Variants in VKORC1L1 observed in about 807,000 individuals in gnomAD.
VKORC1L1 encodes the protein vitamin K epoxide reductase complex subunit 1-like protein 1.
A neutral mutation model predicts 18.9 loss-of-function variants in VKORC1L1; 2 were observed. The observed-to-expected ratio is 0.11, with a 90% CI of 0.04 to 0.33. VKORC1L1 has a LOEUF of 0.33. Ranked by LOEUF, VKORC1L1 falls within the 10% of genes least tolerant of loss-of-function variation. VKORC1L1 has a pLI of 1.00. For missense variants in VKORC1L1, 123 were observed against 224.1 expected (o/e 0.55, Z 2.88); for synonymous variants, 96 against 100.0 (o/e 0.96, Z 0.24).
At chr7:65,882,862 A>G (rs1272828080) in intron 1 of VKORC1L1, among the ~76,000 whole-genome samples, 1 of 152,220 alleles carries the variant, frequency 6.6e-6, no homozygotes, top group Non-Finnish European at 1.5e-5. Context: ...CTATTACATA[A>G]TTAATTTAGA....
intron 1 of VKORC1L1, among the ~76,000 whole-genome samples, chr7:65,894,643 G>C (rs1486003866): frequency 1.3e-5 from 2 of 152,210 alleles, no homozygotes; most frequent in Non-Finnish European, 2.9e-5. Flanking sequence ...CAGGAGAATG[G>C]TGTGAACCCG....
At chr7:65,895,516 T>TATATATATATATATACACAC (rs370356956) in intron 1 of VKORC1L1, among the ~76,000 whole-genome samples, 1 of 71,598 alleles carries the variant, frequency 1.4e-5, no homozygotes, top group East Asian at 5.5e-4. Flanking sequence ...TATATATATA[T>TATATATATATATATACACAC]ACACACACAC....
chr7:65,905,990 C>G (rs2116404639), intron 1 of VKORC1L1, among the ~76,000 whole-genome samples: 1 of 152,154 alleles, frequency 6.6e-6, no homozygotes, highest in African/African-American at 2.4e-5. Context: ...TCTTCCTGCC[C>G]CTTTTCTTCA....
intron 1 of VKORC1L1, among the ~76,000 whole-genome samples, chr7:65,905,007 CTGTATG>C (rs1417435539): frequency 2.0e-5 from 3 of 151,766 alleles, no homozygotes; most frequent in Non-Finnish European, 4.4e-5. Context: ...ATACACATGC[CTGTATG>C]TATATGTATA....
At chr7:65,911,280 A>T (rs1374601013) in intron 1 of VKORC1L1, among the ~76,000 whole-genome samples, 1 of 152,266 alleles carries the variant, frequency 6.6e-6, no homozygotes, top group East Asian at 1.9e-4. Flanking sequence ...AGTTTAACTC[A>T]TGTTAAATTA....
intron 1 of VKORC1L1, among the ~76,000 whole-genome samples, chr7:65,934,492 CCTGT>C (rs1789909084): frequency 6.6e-6 from 1 of 152,112 alleles, no homozygotes. Context: ...ACTTATTCCT[CCTGT>C]CTGAGATTTT....
intron 1 of VKORC1L1, among the ~76,000 whole-genome samples, chr7:65,926,911 A>G (rs1386092708): frequency 6.6e-6 from 1 of 152,182 alleles, no homozygotes; most frequent in Non-Finnish European, 1.5e-5. Flanking sequence ...ATGAGTACTC[A>G]AAGGCAAACA....
At chr7:65,931,221 G>T (rs1789852450) in intron 1 of VKORC1L1, among the ~76,000 whole-genome samples, 1 of 150,932 alleles carries the variant, frequency 6.6e-6, no homozygotes. Flanking sequence ...GCTTTTATAT[G>T]GTTTTGATGT....
Position 65,873,200 on chromosome 7 carries a change from G to C in VKORC1L1, c.-172G>C, listed in dbSNP as rs1788754484. 1 of 842,472 alleles carries C rather than the reference G, an allele frequency of 1.2e-6. No homozygotes were observed. The highest frequency in any genetic ancestry group is 5.2e-5 in the South Asian group (1 of 19,382). 52.2% of individuals were successfully genotyped at this position (842,472 alleles called of 1,614,324 possible). A position where few individuals can be genotyped will look rare whatever the true frequency, so the allele number is the denominator to read the frequency against. On this transcript the variant is annotated 5_prime_UTR_variant, in exon 1 of 3. Transcript: ENST00000360768. ...GGGGCGGTTGGGCCGCGCGCCTGTG[G>C]GGGCGGGGCCCGGAGCAGGCCACCG...
chr7:65,872,845 A>G (rs1402837016), upstream of VKORC1L1, among the ~76,000 whole-genome samples: 1 of 152,036 alleles, frequency 6.6e-6, no homozygotes, highest in Non-Finnish European at 1.5e-5. Flanking sequence ...CCATCCCCAG[A>G]GGGAGGGGCC....
chr7:65,917,971 T>C (rs1379001622), intron 1 of VKORC1L1, among the ~76,000 whole-genome samples: 1 of 152,190 alleles, frequency 6.6e-6, no homozygotes, highest in African/African-American at 2.4e-5. Flanking sequence ...AGGGTCGCGA[T>C]AGGTTAGTAG....
At position 65,917,886 on chromosome 7, in the gene VKORC1L1, A is replaced by T. The variant is rs200218069; in HGVS notation, c.195-30785A>T. The stretch of plus-strand genomic sequence containing the variant: ...AAGTAAGCCAAAACTCTGTCAAGTT[A>T]TATAGGGTGGTGGCTTTGCCTACCA... On this transcript the variant is annotated intron_variant, in intron 1 of 2. Transcript: ENST00000360768. Among the ~76,000 whole-genome samples, 285 of 152,328 alleles carry T rather than the reference A, an allele frequency of 1.9e-3. 3 individuals carry two copies. Among genetic ancestry groups the T allele is most frequent in the African/African-American group, 6.7e-3 (278 of 41,578 alleles).
At chr7:65,876,493 C>T (rs1329927369) in intron 1 of VKORC1L1, among the ~76,000 whole-genome samples, 1 of 150,460 alleles carries the variant, frequency 6.6e-6, no homozygotes, top group Non-Finnish European at 1.5e-5. Context: ...CAGAACGAGA[C>T]TCTGTCTTTA....
intron 1 of VKORC1L1, among the ~76,000 whole-genome samples, chr7:65,942,477 G>A (rs1197189083): frequency 7.2e-6 from 1 of 137,948 alleles, no homozygotes; most frequent in African/African-American, 2.7e-5. Context: ...GGGTGACAGA[G>A]CGAGACTCCA....
chr7:65,929,706 T>G (rs59004602), intron 1 of VKORC1L1, among the ~76,000 whole-genome samples: 1 of 86,670 alleles, frequency 1.2e-5, no homozygotes, highest in African/African-American at 4.3e-5. Context: ...ATATATATGG[T>G]TTTTTTTAAC....
intron 1 of VKORC1L1, among the ~76,000 whole-genome samples, chr7:65,907,975 C>T (rs1789433495): frequency 6.6e-6 from 1 of 152,070 alleles, no homozygotes; most frequent in South Asian, 2.1e-4. Flanking sequence ...GCTTTGATTA[C>T]TTACTGGGAA....
At chr7:65,896,477 T>C (rs1789213959) in intron 1 of VKORC1L1, among the ~76,000 whole-genome samples, 1 of 152,046 alleles carries the variant, frequency 6.6e-6, no homozygotes, top group Non-Finnish European at 1.5e-5. Flanking sequence ...TCCAGAATAA[T>C]TGCAACAGCT....
intron 1 of VKORC1L1, among the ~76,000 whole-genome samples, chr7:65,913,856 T>G (rs1430500213): frequency 1.3e-5 from 2 of 151,954 alleles, no homozygotes; most frequent in Non-Finnish European, 2.9e-5. Flanking sequence ...AATTTCTGAG[T>G]AGTTCTTTTG....
At chr7:65,915,748 T>C (rs1239964340) in intron 1 of VKORC1L1, among the ~76,000 whole-genome samples, 1 of 151,662 alleles carries the variant, frequency 6.6e-6, no homozygotes, top group Admixed American at 6.6e-5. Flanking sequence ...AATCAACACC[T>C]AATTTATTAG....
Sources: allele counts gnomAD v4.1 joint callset (sites outside exome capture counted in the v4.1 genomes callset), GRCh38; gene constraint gnomAD v4.1.1; transcripts MANE v1.5; gene names NCBI Gene and HGNC (gene_info 2026-07-23, HGNC 2026-07-21).